The following SOX5 variants were observed in gnomAD, a reference collection of about 807,000 sequenced individuals.
SOX5 encodes transcription factor SOX-5.
A neutral mutation model predicts 92.0 loss-of-function variants in SOX5; 9 were observed. The ratio of observed to expected loss-of-function variants is 0.10; its 90% confidence interval spans 0.06 to 0.17. SOX5 has a LOEUF of 0.17. Ranked by LOEUF, SOX5 falls within the 10% of genes least tolerant of loss-of-function variation. SOX5 has a pLI of 1.00. For synonymous variants in SOX5, 344 were observed against 336.3 expected (o/e 1.02, Z -0.25); for missense variants, 642 against 944.5 (o/e 0.68, Z 4.20).
At chr12:23,965,248 G>T (rs1015735083) in intron 4 of SOX5, among the ~76,000 whole-genome samples, 12 of 152,204 alleles carry the variant, frequency 7.9e-5, no homozygotes, top group Non-Finnish European at 1.6e-4. Flanking sequence ...GTGGTCAAGG[G>T]CATATGTAGT....
At chr12:23,808,593 TATATACTATAAAAA>T (rs1380835185) in intron 3 of SOX5, among the ~76,000 whole-genome samples, 2 of 152,188 alleles carry the variant, frequency 1.3e-5, no homozygotes, top group African/African-American at 4.8e-5. Context: ...CAAGCATGCA[TATATACTATAAAAA>T]ATAAGATAAT....
intron 2 of SOX5, among the ~76,000 whole-genome samples, chr12:23,886,737 G>T (rs1040271888): frequency 6.6e-6 from 1 of 151,868 alleles, no homozygotes; most frequent in East Asian, 1.9e-4. Context: ...AATTAAAAAA[G>T]AAATAAATTT....
chr12:24,385,323 G>C (rs1455684169), intron 1 of SOX5, among the ~76,000 whole-genome samples: 1 of 152,120 alleles, frequency 6.6e-6, no homozygotes, highest in Non-Finnish European at 1.5e-5. Flanking sequence ...TGTGTTAGAT[G>C]GTTTTGCCAA....
At chr12:24,341,962 T>A (rs1165918961) in intron 2 of SOX5, among the ~76,000 whole-genome samples, 1 of 152,198 alleles carries the variant, frequency 6.6e-6, no homozygotes, top group Non-Finnish European at 1.5e-5. Flanking sequence ...CCATCTTAAC[T>A]AATCCCCAGT....
rs563755058 is a variant in SOX5, at chr12:24,517,847, T to C, written c.-251+44482A>G. Among the ~76,000 whole-genome samples, 30 of 152,208 alleles carry C rather than the reference T, an allele frequency of 2.0e-4. No individual in the cohort carries two copies. The South Asian group carries it at 4.8e-3, about 24-fold the overall frequency. ...AAAAGTTATTAACAAAATCCTACAG[T>C]AAATGGACCTCTACAAAAATTTTGA... is the stretch of plus-strand genomic sequence containing the variant. On this transcript the variant is annotated intron_variant, in intron 1 of 4. Coordinates refer to the SOX5 transcript ENST00000446891.
chr12:23,637,626 T>C (rs1350889018), intron 8 of SOX5, among the ~76,000 whole-genome samples: 4 of 152,138 alleles, frequency 2.6e-5, no homozygotes, highest in Admixed American at 6.5e-5. Flanking sequence ...TGGTTCTTAG[T>C]GGTCTTCCCT....
chr12:23,747,058 T>C (rs915844771), intron 4 of SOX5, among the ~76,000 whole-genome samples: 2 of 152,072 alleles, frequency 1.3e-5, no homozygotes, highest in Admixed American at 6.6e-5. Context: ...CTTTCTTTTG[T>C]AAATTGCCCA....
chr12:24,077,211 C>A (rs1942732738), intron 4 of SOX5, among the ~76,000 whole-genome samples: 1 of 152,112 alleles, frequency 6.6e-6, no homozygotes, highest in African/African-American at 2.4e-5. Flanking sequence ...TGTCATGCTA[C>A]CACAGTCGAC....
intron 3 of SOX5, among the ~76,000 whole-genome samples, chr12:23,756,484 T>C (rs993815743): frequency 6.6e-6 from 1 of 151,936 alleles, no homozygotes. Flanking sequence ...TGAACTTTAA[T>C]GTATAAGTAA....
At chr12:24,122,760 CTTTCCTGAA>C in intron 4 of SOX5, among the ~76,000 whole-genome samples, 1 of 152,092 alleles carries the variant, frequency 6.6e-6, no homozygotes, top group Non-Finnish European at 1.5e-5. Context: ...GTTTCCATTT[CTTTCCTGAA>C]AAATATGAAA....
At chr12:23,779,987 G>GTA (rs2095240496) in intron 3 of SOX5, among the ~76,000 whole-genome samples, 1 of 149,582 alleles carries the variant, frequency 6.7e-6, no homozygotes, top group Non-Finnish European at 1.5e-5. Flanking sequence ...GTGTGTGTGT[G>GTA]TGTATTTGAG....
intron 6 of SOX5, among the ~76,000 whole-genome samples, chr12:23,721,072 A>AT (rs138015047): frequency 0.018 from 2,660 of 151,666 alleles, 98 homozygotes; most frequent in African/African-American, 0.061. Context: ...TATATTAATT[A>AT]TTTTATTTAT....
At chr12:24,423,630 C>T (rs945755131) in intron 1 of SOX5, among the ~76,000 whole-genome samples, 2 of 152,218 alleles carry the variant, frequency 1.3e-5, no homozygotes, top group Non-Finnish European at 2.9e-5. Context: ...CAGCAGTCAA[C>T]AGTTTAAAAT....
upstream of SOX5, among the ~76,000 whole-genome samples, chr12:23,952,422 T>C (rs188269435): frequency 1.3e-5 from 2 of 152,324 alleles, no homozygotes; most frequent in Admixed American, 1.3e-4. Context: ...TGAGGCCAAC[T>C]ATAGTATAAA....
At chr12:24,469,642 G>A (rs929523264) in intron 1 of SOX5, among the ~76,000 whole-genome samples, 1 of 152,174 alleles carries the variant, frequency 6.6e-6, no homozygotes, top group Non-Finnish European at 1.5e-5. Flanking sequence ...CCCCAGATAT[G>A]TGCAACTTAT....
intron 14 of SOX5, among the ~76,000 whole-genome samples, chr12:23,534,813 G>C (rs1007489700): frequency 4.0e-5 from 6 of 150,176 alleles, no homozygotes; most frequent in African/African-American, 4.9e-5. Context: ...GGGTTCAAGC[G>C]ATTCTCCTGC....
Position 23,665,384 on chromosome 12 carries a change from T to C in SOX5, c.931+60A>G. 3.2e-6 allele frequency: 5 copies of C among 1,575,546 alleles called. No homozygotes were observed. In the South Asian group the frequency reaches 4.5e-5, roughly 14 times the overall value. Reference sequence around the variant, plus strand: ...TTCTTGGTGTGGCAGGAATATTAAATTGCCTAATTTAAAGCTTTGCCCTCC... The same window carrying C: ...TTCTTGGTGTGGCAGGAATATTAAACTGCCTAATTTAAAGCTTTGCCCTCC... On this transcript the variant is annotated intron_variant, in intron 7 of 14. Transcript: ENST00000451604.
chr12:24,533,836 A>G (rs182824495), intron 1 of SOX5, among the ~76,000 whole-genome samples: 22 of 152,350 alleles, frequency 1.4e-4, no homozygotes, highest in Admixed American at 5.2e-4. Flanking sequence ...ATTCTGTATT[A>G]TGGTTCCATA....
At chr12:23,600,620 T>C (rs1385145703) in intron 9 of SOX5, among the ~76,000 whole-genome samples, 1 of 145,446 alleles carries the variant, frequency 6.9e-6, no homozygotes, top group Non-Finnish European at 1.5e-5. Flanking sequence ...CATGACAATA[T>C]GTCAGGCATT....
Sources: gnomAD v4.1 joint callset for allele counts (sites outside exome capture counted in the v4.1 genomes callset) on GRCh38, gnomAD v4.1.1 for gene constraint, MANE v1.5 for transcripts, NCBI Gene and HGNC (gene_info 2026-07-23, HGNC 2026-07-21) for gene names.